WHRN: variants seen among roughly 807,000 people sequenced by gnomAD.
The protein encoded by WHRN is whirlin, also known as CASK-interacting protein CIP98.
WHRN carries 41 observed loss-of-function variants against 68.3 expected under a neutral mutation model. The observed-to-expected ratio is 0.60, with a 90% CI of 0.47 to 0.78. WHRN has a LOEUF of 0.78. WHRN is among the 30% of genes least tolerant of loss of function. The pLI is 0.00. For synonymous variants in WHRN, 560 were observed against 561.3 expected, an observed-to-expected ratio of 1.00 and a Z score of 0.03; for missense variants, 1,243 against 1,244.7, an observed-to-expected ratio of 1.00 and a Z score of 0.02.
Position 114,494,764 on chromosome 9 carries a change from A to C in WHRN, c.618+9420T>G, listed in dbSNP as rs369450137. The stretch of plus-strand genomic sequence containing the variant: ...ATACCTACTTGAACTTCACAGGGTG[A>C]TTATGAGGCTTAACTGAGTTTATAC... On this transcript the variant is annotated intron_variant, in intron 1 of 11. Transcript: ENST00000362057. Among the ~76,000 whole-genome samples, 98 of 152,358 alleles carry C rather than the reference A, an allele frequency of 6.4e-4. 4 individuals carry two copies. The highest frequency in any genetic ancestry group is 2.3e-3 in the African/African-American group (97 of 41,578).
chr9:114,466,330 G>T lies in WHRN; in HGVS notation c.900C>A (p.Tyr300Ter), dbSNP rs140268888. ...LGLTIRGGAEYGLGIYITGVD... is the reference protein window; with the variant it reads ...LGLTIRGGAE ...CGCCAGTGATGTAAATGCCAAGGCCGTACTCAGCTCCCCCACGGATCGTGA... is the reference window on the plus strand; with the variant it reads ...CGCCAGTGATGTAAATGCCAAGGCCTTACTCAGCTCCCCCACGGATCGTGA... The change falls in exon 3 of 12, where the codon TAC becomes TAA. Residue 300 changes from tyrosine to a stop codon, truncating the protein, a stop_gained. Coordinates refer to ENST00000362057, the MANE Select transcript of WHRN (RefSeq NM_015404.4). LOFTEE classifies it high-confidence loss of function. 1.2e-6 allele frequency: 2 copies of T among 1,614,100 alleles called. No individual in the cohort carries two copies. The highest frequency in any genetic ancestry group is 1.7e-6 in the Non-Finnish European group (2 of 1,180,038).
intron 7 of WHRN, among the ~76,000 whole-genome samples, chr9:114,419,571 A>G (rs1467705262): frequency 6.6e-6 from 1 of 152,236 alleles, no homozygotes; most frequent in East Asian, 1.9e-4. Flanking sequence ...CGTGGCCTGA[A>G]AGTCACTCCC....
In WHRN at chr9:114,442,783, T is replaced by C. The variant is rs1838485172; in HGVS notation, c.964-16370A>G. Among the ~76,000 whole-genome samples, 2 of 152,190 alleles carry C rather than the reference T, an allele frequency of 1.3e-5. 1 individual carries two copies. The highest frequency in any genetic ancestry group is 4.1e-4 in the South Asian group (2 of 4,826). Reference sequence around the variant, plus strand: ...TTCCTGAGGTCCTCACCTAAAGCAGTTGCTGGCACGGCCTGCAGAACAGTG... The same window carrying C: ...TTCCTGAGGTCCTCACCTAAAGCAGCTGCTGGCACGGCCTGCAGAACAGTG... On this transcript the variant is annotated intron_variant, in intron 3 of 11. Coordinates refer to ENST00000362057, the MANE Select transcript of WHRN (RefSeq NM_015404.4).
rs1840688688 is a variant in WHRN at position 114,466,336 on chromosome 9, A to G, written c.894T>C (p.Ala298=). The change falls in exon 3 of 12, where the codon GCT becomes GCC. Residue 298 remains alanine, a synonymous_variant. Coordinates refer to ENST00000362057, the MANE Select transcript of WHRN (RefSeq NM_015404.4). ...TGATGTAAATGCCAAGGCCGTACTC[A>G]GCTCCCCCACGGATCGTGAGGCCCA... ...RSLGLTIRGG[A]EYGLGIYITG... is the part of the protein sequence containing the mutation. 2.5e-6 allele frequency: 4 copies of G among 1,614,090 alleles called. No homozygotes were observed. The South Asian group carries it at 3.3e-5, about 13-fold the overall frequency.
chr9:114,454,972 T>C (rs1839650347), intron 3 of WHRN, among the ~76,000 whole-genome samples: 1 of 149,804 alleles, frequency 6.7e-6, no homozygotes, highest in Non-Finnish European at 1.5e-5. Flanking sequence ...GGGTAGTCCT[T>C]TCAGCAGATG....
intron 3 of WHRN, among the ~76,000 whole-genome samples, 176 bp downstream of exon 3, chr9:114,466,091 C>T (rs750045598): frequency 1.4e-4 from 22 of 152,358 alleles, no homozygotes; most frequent in Non-Finnish European, 2.9e-4. Context: ...ACTGCGTAGG[C>T]GGCCACCCCG....
rs192511264 is a variant in WHRN, at chr9:114,447,486, A to G, written c.963+18781T>C. Among the ~76,000 whole-genome samples the G allele has an allele frequency of 1.7e-3, 258 of 152,170 alleles. 1 individual carries two copies. Among genetic ancestry groups the G allele is most frequent in the Non-Finnish European group, 3.0e-3 (201 of 67,920 alleles). On this transcript the variant is annotated intron_variant, in intron 3 of 11. Transcript: ENST00000362057. ...GTTAATTGTTATCCAGTTATCAGGT[A>G]GTACTCCTATTAAGAGCATGGTACT...
chr9:114,498,617 A>G (rs1408523), intron 1 of WHRN, among the ~76,000 whole-genome samples: 148,433 of 152,216 alleles, frequency 0.98, 72,479 homozygotes, highest in East Asian at 1. Flanking sequence ...ACCGCCCCCC[A>G]ACCTTAGTAA....
At chr9:114,460,993 G>A (rs1375517631) in intron 3 of WHRN, among the ~76,000 whole-genome samples, 1 of 152,160 alleles carries the variant, frequency 6.6e-6, no homozygotes, top group Non-Finnish European at 1.5e-5. Flanking sequence ...ATATCCAAGG[G>A]GCCCTGGAAG....
intron 1 of WHRN, among the ~76,000 whole-genome samples, chr9:114,482,670 T>C (rs1336846986): frequency 6.6e-6 from 1 of 151,674 alleles, no homozygotes; most frequent in Non-Finnish European, 1.5e-5. Flanking sequence ...AGCAAAACGT[T>C]GACCAAGGAG....
chr9:114,437,552 G>A (rs1280421082), intron 3 of WHRN, among the ~76,000 whole-genome samples: 1 of 152,180 alleles, frequency 6.6e-6, no homozygotes, highest in African/African-American at 2.4e-5. Flanking sequence ...GGGCCTGTGA[G>A]GAGGTAAATA....
intron 3 of WHRN, among the ~76,000 whole-genome samples, chr9:114,437,005 A>G (rs919439951): frequency 6.6e-6 from 1 of 152,228 alleles, no homozygotes; most frequent in African/African-American, 2.4e-5. Context: ...AAAAGCTACT[A>G]GAGAAGCTAC....
At chr9:114,498,043 T>C (rs892492095) in intron 1 of WHRN, among the ~76,000 whole-genome samples, 2 of 152,170 alleles carry the variant, frequency 1.3e-5, no homozygotes, top group South Asian at 2.1e-4. Flanking sequence ...AACGCTGCCA[T>C]ACACAGACTT....
chr9:114,504,699 G>C lies in WHRN; in HGVS notation c.103C>G (p.Leu35Val). The C allele has an allele frequency of 6.3e-7, 1 of 1,576,166 alleles. No individual in the cohort carries two copies. The highest frequency in any genetic ancestry group is 8.6e-7 in the Non-Finnish European group (1 of 1,168,042). ...GGGGGAGLRL[L>V]SANVRQLHQA... ...TGCAGCTGGCGCACGTTGGCAGACA[G>C]TAACCGCAGCCCCGCGCCCCCGCCG... The change falls in exon 1 of 12, where the codon CTG (leucine) becomes GTG (valine). Residue 35 changes from leucine to valine, a missense_variant. Coordinates refer to ENST00000362057, the MANE Select transcript of WHRN (RefSeq NM_015404.4).
intron 10 of WHRN, 148 bp from the exon 11 acceptor site, chr9:114,403,487 C>A: frequency 9.4e-7 from 1 of 1,068,688 alleles, no homozygotes; most frequent in Non-Finnish European, 1.4e-6. Flanking sequence ...CGCACTAAGC[C>A]AAGCACTTGT....
intron 7 of WHRN, among the ~76,000 whole-genome samples, chr9:114,419,023 A>G (rs1218393083): frequency 6.6e-6 from 1 of 152,196 alleles, no homozygotes; most frequent in East Asian, 1.9e-4. Flanking sequence ...AAGGAAGGAC[A>G]AGAAGAAGGA....
chr9:114,466,176 G>A (rs1840672522), intron 3 of WHRN, 91 bp downstream of exon 3: 1 of 1,587,268 alleles, frequency 6.3e-7, no homozygotes, highest in African/African-American at 1.3e-5. Flanking sequence ...TCCTCAAGGT[G>A]GAGTGCTGAT....
chr9:114,404,604 T>C (rs1448063397), intron 9 of WHRN, among the ~76,000 whole-genome samples: 1 of 151,818 alleles, frequency 6.6e-6, no homozygotes, highest in African/African-American at 2.4e-5. Context: ...AACTTCACTA[T>C]GTGTGTAACA....
chr9:114,418,443 G>A (rs1009014178), intron 7 of WHRN, among the ~76,000 whole-genome samples: 39 of 152,194 alleles, frequency 2.6e-4, no homozygotes, highest in African/African-American at 8.9e-4. Flanking sequence ...ACCTCTGGGT[G>A]TGGCTGGTTC....
Sources: gnomAD v4.1 joint callset for allele counts (sites outside exome capture counted in the v4.1 genomes callset) on GRCh38, gnomAD v4.1.1 for gene constraint, MANE v1.5 for transcripts, NCBI Gene and HGNC (gene_info 2026-07-23, HGNC 2026-07-21) for gene names.